The following SLC39A14 variants were observed in gnomAD, a reference collection of about 807,000 sequenced individuals.
The protein encoded by SLC39A14 is metal cation symporter ZIP14.
Under a neutral mutation model 45.5 loss-of-function variants are expected in SLC39A14, and 19 were observed. The ratio of observed to expected loss-of-function variants is 0.42; its 90% CI spans 0.29 to 0.61. SLC39A14 has a LOEUF of 0.61. Ranked by LOEUF, SLC39A14 falls within the 20% of genes least tolerant of loss-of-function variation. The pLI is 0.22. For synonymous variants in SLC39A14, 264 were observed against 251.3 expected (o/e 1.05, Z -0.48); for missense variants, 447 against 616.5 (o/e 0.73, Z 2.91).
chr8:22,369,254 T>C (rs1226384278), intron 1 of SLC39A14, among the ~76,000 whole-genome samples: 1 of 152,174 alleles, frequency 6.6e-6, no homozygotes, highest in Non-Finnish European at 1.5e-5. Context: ...ATTTTACTCA[T>C]CTGGCCTCTG....
At chr8:22,432,604 G>A (rs992905241) in intron 8 of SLC39A14, among the ~76,000 whole-genome samples, 14 of 150,768 alleles carry the variant, frequency 9.3e-5, no homozygotes, top group Non-Finnish European at 1.6e-4. Flanking sequence ...TCGGCCTCCC[G>A]AGTAGCTGGG....
chr8:22,410,172 A>T (rs1190429098), intron 3 of SLC39A14: 1 of 1,579,858 alleles, frequency 6.3e-7, no homozygotes, highest in African/African-American at 1.3e-5. Flanking sequence ...CAGCTGAGCC[A>T]ATCCCCTCCT....
chr8:22,423,016 G>A (rs1836309949), downstream of SLC39A14, among the ~76,000 whole-genome samples: 2 of 152,002 alleles, frequency 1.3e-5, no homozygotes, highest in Non-Finnish European at 2.9e-5. Flanking sequence ...TAGAGATGGG[G>A]TTTCGCCATG....
At chr8:22,403,882 C>T (rs534332966) in intron 1 of SLC39A14, among the ~76,000 whole-genome samples, 90 of 151,668 alleles carry the variant, frequency 5.9e-4, no homozygotes, top group South Asian at 1.0e-3. Flanking sequence ...CGTGCCACTG[C>T]ACTTTAGCCT....
intron 2 of SLC39A14, among the ~76,000 whole-genome samples, chr8:22,406,852 G>A (rs1158000383): frequency 2.0e-5 from 3 of 152,210 alleles, no homozygotes; most frequent in Admixed American, 6.5e-5. Context: ...GCAGCATCTC[G>A]GGGTGGCGGG....
At chr8:22,412,891 T>C (rs1053519445) in intron 4 of SLC39A14, among the ~76,000 whole-genome samples, 1 of 152,138 alleles carries the variant, frequency 6.6e-6, no homozygotes, top group Non-Finnish European at 1.5e-5. Context: ...TGAGCCGAGA[T>C]TGCACCACTG....
intron 1 of SLC39A14, among the ~76,000 whole-genome samples, chr8:22,389,703 T>C (rs1586671887): frequency 6.6e-6 from 1 of 152,210 alleles, no homozygotes; most frequent in South Asian, 2.1e-4. Flanking sequence ...CTATCAGTCA[T>C]TTTGAGAGGT....
intron 1 of SLC39A14, among the ~76,000 whole-genome samples, chr8:22,395,672 G>T (rs1834343773): frequency 6.6e-6 from 1 of 152,060 alleles, no homozygotes; most frequent in Non-Finnish European, 1.5e-5. Context: ...TCTCACGTTG[G>T]TTATAATCTC....
chr8:22,368,781 C>T (rs1013826492), intron 1 of SLC39A14, among the ~76,000 whole-genome samples: 1 of 152,144 alleles, frequency 6.6e-6, no homozygotes, highest in Non-Finnish European at 1.5e-5. Flanking sequence ...CGTGATCCGC[C>T]CACCTCAGCC....
intron 2 of SLC39A14, among the ~76,000 whole-genome samples, chr8:22,407,518 G>T (rs1256298399): frequency 6.6e-6 from 1 of 151,464 alleles, no homozygotes; most frequent in African/African-American, 2.4e-5. Context: ...GAGCTACCAC[G>T]CCCGGCTAAT....
At chr8:22,377,837 C>G (rs566472068) in intron 1 of SLC39A14, among the ~76,000 whole-genome samples, 2 of 152,318 alleles carry the variant, frequency 1.3e-5, no homozygotes, top group Admixed American at 1.3e-4. Flanking sequence ...ATTCTGCACC[C>G]AGAGCTGCAC....
chr8:22,427,045 CACTTTGGG>C (rs1836398888), downstream of SLC39A14, among the ~76,000 whole-genome samples: 1 of 151,682 alleles, frequency 6.6e-6, no homozygotes, highest in Non-Finnish European at 1.5e-5. Context: ...GTAATCCCAG[CACTTTGGG>C]AGGCCAAGAC....
At position 22,415,951 on chromosome 8, in the gene SLC39A14, T is replaced by C. The variant is rs1389568839; in HGVS notation, c.933T>C (p.Ser311=). Residue 311 remains serine, a synonymous_variant, in exon 6 of 9, where the codon TCT becomes TCC. Transcript: ENST00000381237. ...VDEKVIVGSL[S]VQDLQASQSA... ...AGAAGGTCATTGTGGGCTCGCTCTC[T>C]GTGCAGGTCAGTGGGCCACCAGCTG... 1.2e-6 allele frequency: 2 copies of C among 1,601,678 alleles called. No homozygotes were observed. The highest frequency in any genetic ancestry group is 4.5e-5 in the East Asian group (2 of 44,614).
At chr8:22,414,740 TATTTTCTTTAAAACTC>T in intron 4 of SLC39A14, 24 bp from the exon 5 acceptor site, 1 of 1,578,646 alleles carries the variant, frequency 6.3e-7, no homozygotes, top group South Asian at 1.2e-5. Context: ...AAAGATGCTT[TATTTTCTTTAAAACTC>T]ATTTTCTTTT....
intron 7 of SLC39A14, among the ~76,000 whole-genome samples, chr8:22,416,950 TA>T (rs1835922012): frequency 6.6e-6 from 1 of 152,194 alleles, no homozygotes; most frequent in Non-Finnish European, 1.5e-5. Flanking sequence ...GAGCACTCAG[TA>T]AAGGCTCTCT....
chr8:22,412,213 C>G lies in SLC39A14; in HGVS notation c.627+7C>G. ...CTTCCAGCTCATCCCGGAGGTATGGCAAGCCAGGGCCTTCACCCCGGAGCA... is the reference window on the plus strand; with the variant it reads ...CTTCCAGCTCATCCCGGAGGTATGGGAAGCCAGGGCCTTCACCCCGGAGCA... On this transcript the variant is annotated splice_region_variant and intron_variant, in intron 4 of 8. Coordinates refer to ENST00000381237, the MANE Select transcript of SLC39A14 (RefSeq NM_001128431.4). 1 of 1,551,276 alleles carries G rather than the reference C, an allele frequency of 6.4e-7. No homozygotes were observed. The highest frequency in any genetic ancestry group is 8.7e-7 in the Non-Finnish European group (1 of 1,146,798).
intron 1 of SLC39A14, among the ~76,000 whole-genome samples, chr8:22,383,007 CGCGGCCGGT>C (rs2132205786): frequency 6.6e-6 from 1 of 152,110 alleles, no homozygotes; most frequent in South Asian, 2.1e-4. Context: ...CGTGAGTCAC[CGCGGCCGGT>C]GGCGGTGTTT....
At chr8:22,395,296 A>T (rs1448628961) in intron 1 of SLC39A14, among the ~76,000 whole-genome samples, 1 of 152,230 alleles carries the variant, frequency 6.6e-6, no homozygotes, top group Non-Finnish European at 1.5e-5. Flanking sequence ...CTTAGAACAC[A>T]TCTTCCATTT....
chr8:22,400,117 C>T (rs191380058), intron 1 of SLC39A14, among the ~76,000 whole-genome samples: 9 of 152,170 alleles, frequency 5.9e-5, no homozygotes, highest in African/African-American at 1.4e-4. Flanking sequence ...TGTGGATCTC[C>T]GTGGGTTCCA....
Sources: allele counts gnomAD v4.1 joint callset (sites outside exome capture counted in the v4.1 genomes callset), GRCh38; gene constraint gnomAD v4.1.1; transcripts MANE v1.5; gene names NCBI Gene and HGNC (gene_info 2026-07-23, HGNC 2026-07-21).